ACSF3: variants seen among roughly 807,000 people sequenced by gnomAD.
ACSF3 encodes malonate--CoA ligase ACSF3, mitochondrial.
Under a neutral mutation model 53.2 loss-of-function variants are expected in ACSF3, and 78 were observed. That is an observed-to-expected ratio of 1.47 (90% CI 1.22 to 1.77). The LOEUF (loss-of-function observed/expected upper bound fraction) is 1.77, where lower values mean the gene tolerates loss of function less well. Among genes scored for constraint, ACSF3 ranks in the 40% most tolerant of loss-of-function variants. The probability of loss-of-function intolerance (pLI) is 0.00; values close to 1 mark genes in which losing one functional copy is unlikely to be tolerated. For missense variants in ACSF3, 937 were observed against 771.1 expected, an observed-to-expected ratio of 1.22 and a Z score of -2.55; for synonymous variants, 414 against 333.1, an observed-to-expected ratio of 1.24 and a Z score of -2.65.
chr16:89,106,745 A>G (rs1976034892), intron 4 of ACSF3, among the ~76,000 whole-genome samples: 1 of 152,190 alleles, frequency 6.6e-6, no homozygotes, highest in African/African-American at 2.4e-5. Flanking sequence ...TTTGTCTAAG[A>G]TTGTGTGGAA....
intron 8 of ACSF3, among the ~76,000 whole-genome samples, chr16:89,144,576 T>C (rs559682969): frequency 6.6e-6 from 1 of 152,362 alleles, no homozygotes; most frequent in South Asian, 2.1e-4. Flanking sequence ...CTTCTTTTAC[T>C]GAATATTTGG....
Position 89,093,899 on chromosome 16 carries a change from CG to C in ACSF3, c.-289del, listed in dbSNP as rs1567674594. On this transcript the variant is annotated 5_prime_UTR_variant, in exon 1 of 11. Coordinates refer to ENST00000614302, the MANE Select transcript of ACSF3 (RefSeq NM_001243279.3). ...GCCCGACTCACGACCCCGCGGGACCCGGCCGGAACCCGGCCCGACCCCGGCG... is the reference window on the plus strand; with the variant it reads ...GCCCGACTCACGACCCCGCGGGACCCGCCGGAACCCGGCCCGACCCCGGCG... 1 of 325,416 alleles carries C rather than the reference CG, an allele frequency of 3.1e-6. No individual in the cohort carries two copies. Among genetic ancestry groups the C allele is most frequent in the South Asian group, 2.1e-5 (1 of 47,102 alleles). The allele number at this position is 325,416 out of a possible 1,614,324, so 20.2% of individuals were successfully genotyped here.
intron 4 of ACSF3, among the ~76,000 whole-genome samples, chr16:89,104,330 C>A (rs2151421826): frequency 6.6e-6 from 1 of 152,354 alleles, no homozygotes. Context: ...AGGCCAGATG[C>A]CTGGGACTGG....
At chr16:89,126,649 A>C (rs191580980) in intron 7 of ACSF3, among the ~76,000 whole-genome samples, 11 of 152,372 alleles carry the variant, frequency 7.2e-5, no homozygotes, top group Admixed American at 3.3e-4. Flanking sequence ...TGTTGGCCTC[A>C]AATACTTTAG....
chr16:89,154,141 G>T lies in ACSF3; in HGVS notation c.1665G>T (p.Glu555Asp), dbSNP rs1245847525. The change falls in exon 11 of 11, where the codon GAG (glutamate) becomes GAT (aspartate). Residue 555 changes from glutamate to aspartate, a missense_variant. Physicochemically the swap from Glu to Asp is conservative, Grantham distance 45. Coordinates refer to ENST00000614302, the MANE Select transcript of ACSF3 (RefSeq NM_001243279.3). ...AVPSELVLVEEIPRNQMGKID... is the reference protein window; with the variant it reads ...AVPSELVLVEDIPRNQMGKID... Reference sequence around the variant, plus strand: ...CCTCGGAGCTGGTGCTGGTGGAGGAGATCCCGCGGAACCAGATGGGCAAGA... The same window carrying T: ...CCTCGGAGCTGGTGCTGGTGGAGGATATCCCGCGGAACCAGATGGGCAAGA... The T allele has an allele frequency of 1.2e-6, 2 of 1,613,426 alleles. No individual in the cohort carries two copies. The highest frequency in any genetic ancestry group is 3.3e-5 in the Admixed American group (2 of 59,934).
At position 89,104,972 on chromosome 16, in the gene ACSF3, T is replaced by G. The variant is rs536468431; in HGVS notation, c.822+2213T>G. Among the ~76,000 whole-genome samples, 530 of 152,228 alleles carry G rather than the reference T, an allele frequency of 3.5e-3. 2 individuals are homozygous for G. The highest frequency in any genetic ancestry group is 6.1e-3 in the Non-Finnish European group (414 of 67,994). On this transcript the variant is annotated intron_variant, in intron 4 of 10. Transcript: ENST00000614302. ...CAAAGAGAGGTGGCTGCCAGCACAC[T>G]TGCGTGATTAGCCGTCAGCTCCCTC...
At chr16:89,123,754 A>C (rs1885509134) in intron 7 of ACSF3, among the ~76,000 whole-genome samples, 2 of 152,064 alleles carry the variant, frequency 1.3e-5, no homozygotes, top group African/African-American at 2.4e-5. Flanking sequence ...GGATGGGAGG[A>C]CACCTTCCCA....
At chr16:89,145,041 C>A in intron 8 of ACSF3, 1 of 1,243,286 alleles carries the variant, frequency 8.0e-7, no homozygotes, top group Non-Finnish European at 1.1e-6. Context: ...GACCCCACAT[C>A]ATGGGCACAG....
chr16:89,107,536 T>TA (rs1322217827), intron 4 of ACSF3, among the ~76,000 whole-genome samples: 3 of 152,270 alleles, frequency 2.0e-5, no homozygotes, highest in East Asian at 3.8e-4. Context: ...ATCTGTGTGT[T>TA]ACATCAAATG....
intron 8 of ACSF3, among the ~76,000 whole-genome samples, chr16:89,139,065 A>T (rs1911201246): frequency 6.6e-6 from 1 of 152,158 alleles, no homozygotes; most frequent in Non-Finnish European, 1.5e-5. Context: ...CCCGCAGAGG[A>T]GGCCCCTCCT....
intron 6 of ACSF3, among the ~76,000 whole-genome samples, chr16:89,118,621 C>G (rs183788336): frequency 6.6e-6 from 1 of 152,214 alleles, no homozygotes; most frequent in Non-Finnish European, 1.5e-5. Flanking sequence ...AGGCCTGCTC[C>G]GTGCGGTTCC....
In ACSF3 at chr16:89,153,688, C is replaced by T. The variant is rs979171250; in HGVS notation, c.1614-402C>T. On this transcript the variant is annotated intron_variant, in intron 10 of 10. Transcript: ENST00000614302. Reference sequence around the variant, plus strand: ...CACCCACTCCCCAGCCTCTTCCGCACGCCTCCTCTGGAAGGGGAACGGGCC... The same window carrying T: ...CACCCACTCCCCAGCCTCTTCCGCATGCCTCCTCTGGAAGGGGAACGGGCC... 2.9e-5 allele frequency: 9 copies of T among 312,692 alleles called. No homozygotes were observed. The East Asian group carries it at 3.3e-4, about 11-fold the overall frequency. The allele number at this position is 312,692 out of a possible 1,614,324, so 19.4% of individuals were successfully genotyped here.
chr16:89,143,575 G>A (rs1215498375), intron 8 of ACSF3, among the ~76,000 whole-genome samples: 2 of 152,308 alleles, frequency 1.3e-5, no homozygotes, highest in South Asian at 2.1e-4. Flanking sequence ...TGGTCCAGAG[G>A]GGACACACAA....
chr16:89,119,998 C>G (rs1906226577), intron 6 of ACSF3, among the ~76,000 whole-genome samples: 1 of 152,256 alleles, frequency 6.6e-6, no homozygotes, highest in Non-Finnish European at 1.5e-5. Flanking sequence ...AGTCCCACGT[C>G]TGCTCTGCCC....
At position 89,112,194 on chromosome 16, in the gene ACSF3, A is replaced by G. The variant is rs1284486900; in HGVS notation, c.925A>G (p.Thr309Ala). Residue 309 changes from threonine (T) to alanine (A), a missense_variant, in exon 5 of 11, where the codon ACC (threonine) becomes GCC (alanine). By Grantham distance (58) the Thr-to-Ala change is moderately conservative (BLOSUM62 0). Coordinates refer to ENST00000614302, the MANE Select transcript of ACSF3 (RefSeq NM_001243279.3). ...GATGGAGTACTACGACAGGCATTTT[A>G]CCCAGCCGCACGCCCAGGATTTCTT... ...KLMEYYDRHF[T>A]QPHAQDFLRA... 1 of 1,488,934 alleles carries G rather than the reference A, an allele frequency of 6.7e-7. No individual in the cohort carries two copies. The highest frequency in any genetic ancestry group is 1.8e-4 in the Middle Eastern group (1 of 5,616). The allele number at this position is 1,488,934 out of a possible 1,614,324, so 92.2% of individuals were successfully genotyped here.
intron 7 of ACSF3, among the ~76,000 whole-genome samples, chr16:89,129,460 G>A (rs958910326): frequency 9.2e-5 from 14 of 152,004 alleles, no homozygotes; most frequent in Non-Finnish European, 1.6e-4. Flanking sequence ...AGTTTGCATG[G>A]TATTTATTGT....
chr16:89,124,557 G>A (rs980209579), intron 7 of ACSF3, among the ~76,000 whole-genome samples: 3 of 81,328 alleles, frequency 3.7e-5, no homozygotes, highest in African/African-American at 1.1e-4. Context: ...CTGTATGTAT[G>A]TGTGTGAGAT....
Position 89,121,155 on chromosome 16 carries a change from G to T in ACSF3, c.1239+242G>T, listed in dbSNP as rs368544488. 3.9e-5 allele frequency among the ~76,000 whole-genome samples: 6 copies of T among 152,260 alleles called. No individual in the cohort carries two copies. The East Asian group carries it at 7.7e-4, about 20-fold the overall frequency. ...GGGCAGAGGGAGCCCAGGGCGGAAC[G>T]CCAAAGGGACTCACACCCGGGCACA... On this transcript the variant is annotated intron_variant, in intron 7 of 10. Coordinates refer to ENST00000614302, the MANE Select transcript of ACSF3 (RefSeq NM_001243279.3).
rs1912716231 is a variant in ACSF3, at chr16:89,145,357, C to T, written c.1457C>T (p.Ala486Val). The T allele has an allele frequency of 6.2e-7, 1 of 1,614,192 alleles. No individual in the cohort carries two copies. The highest frequency in any genetic ancestry group is 8.5e-7 in the Non-Finnish European group (1 of 1,180,026). ...AAGACTGGAGGCTACAAGGTCAGCG[C>T]CCTGGAGGTGGAGTGGCACCTGCTG... The part of the protein sequence containing the change: ...IIKTGGYKVS[A>V]LEVEWHLLAH... The change falls in exon 9 of 11, where the codon GCC becomes GTC. Residue 486 changes from alanine (A) to valine (V), a missense_variant. Physicochemically the swap from Ala to Val is moderately conservative, Grantham distance 64. Transcript: ENST00000614302.
Sources: gnomAD v4.1 joint callset for allele counts (sites outside exome capture counted in the v4.1 genomes callset) on GRCh38, gnomAD v4.1.1 for gene constraint, MANE v1.5 for transcripts, NCBI Gene and HGNC (gene_info 2026-07-23, HGNC 2026-07-21) for gene names.